The following SGCD variants were observed in gnomAD, a reference collection of about 807,000 sequenced individuals.
The protein encoded by SGCD is delta-sarcoglycan.
SGCD carries 18 observed loss-of-function variants against 36.6 expected under a neutral mutation model. The ratio of observed to expected loss-of-function variants is 0.49; its 90% CI spans 0.34 to 0.73. SGCD has a LOEUF of 0.73. SGCD is among the 30% of genes least tolerant of loss of function. SGCD has a pLI of 0.01. For missense variants in SGCD, 387 were observed against 346.7 expected (o/e 1.12, Z -0.92); for synonymous variants, 133 against 130.6 (o/e 1.02, Z -0.12).
At chr5:155,759,871 C>A in the SGCD span, among the ~76,000 whole-genome samples, 1 of 152,178 alleles carries the variant, frequency 6.6e-6, no homozygotes, top group African/African-American at 2.4e-5. Context: ...GGTTGAACAG[C>A]TTCTGAGCCA....
At chr5:156,467,264 T>C (rs1045214742) in intron 3 of SGCD, among the ~76,000 whole-genome samples, 2 of 152,234 alleles carry the variant, frequency 1.3e-5, no homozygotes, top group Non-Finnish European at 2.9e-5. Flanking sequence ...TTTTATTCAT[T>C]TAATTATCTA....
intron 1 of SGCD, among the ~76,000 whole-genome samples, chr5:155,934,744 A>G (rs560264346): frequency 2.6e-4 from 40 of 152,318 alleles, no homozygotes; most frequent in African/African-American, 8.7e-4. Context: ...CCTTTCTTCC[A>G]TTACAGAAGC....
intron 3 of SGCD, among the ~76,000 whole-genome samples, chr5:156,218,182 G>T (rs1028266338): frequency 6.6e-6 from 1 of 152,148 alleles, no homozygotes; most frequent in Non-Finnish European, 1.5e-5. Context: ...AACCTGGGAA[G>T]CGAAGGTTGC....
intron 1 of SGCD, among the ~76,000 whole-genome samples, chr5:155,884,592 C>A (rs1755964182): frequency 6.6e-6 from 1 of 152,184 alleles, no homozygotes; most frequent in South Asian, 2.1e-4. Flanking sequence ...ATTTCTTGAT[C>A]TTGTCTCATT....
At chr5:156,189,608 A>G (rs1028828724) in intron 3 of SGCD, among the ~76,000 whole-genome samples, 2 of 151,688 alleles carry the variant, frequency 1.3e-5, no homozygotes, top group South Asian at 2.1e-4. Context: ...ATCAGAACAC[A>G]TGGCAATTAG....
the SGCD span, among the ~76,000 whole-genome samples, chr5:155,782,425 CA>C: frequency 6.6e-6 from 1 of 151,210 alleles, no homozygotes; most frequent in Non-Finnish European, 1.5e-5. Flanking sequence ...CAAAACAAAA[CA>C]AAAAAAACAC....
At chr5:155,856,331 C>A in the SGCD span, among the ~76,000 whole-genome samples, 1 of 151,924 alleles carries the variant, frequency 6.6e-6, no homozygotes, top group East Asian at 1.9e-4. Context: ...AAAAGAATAA[C>A]AAAGAACAGA....
chr5:155,873,590 G>A (rs1297145057), intron 1 of SGCD, among the ~76,000 whole-genome samples: 1 of 152,138 alleles, frequency 6.6e-6, no homozygotes, highest in Non-Finnish European at 1.5e-5. Flanking sequence ...ACACTATTCA[G>A]GTGATGGCTG....
chr5:156,204,283 T>TAACTCCAAAGAAAATA (rs1357077273), intron 3 of SGCD, among the ~76,000 whole-genome samples: 6 of 152,058 alleles, frequency 3.9e-5, no homozygotes, highest in Non-Finnish European at 7.4e-5. Flanking sequence ...GTAAGAATAA[T>TAACTCCAAAGAAAATA]ACTCCAAAAT....
chr5:156,646,566 A>G lies in SGCD; in HGVS notation c.503-898A>G, dbSNP rs17053716. ...GCATTTCTAGATGTTATAACAATGT[A>G]AGAGGATTACAAAAATTCACACATG... On this transcript the variant is annotated intron_variant, in intron 6 of 8. Coordinates refer to ENST00000337851, the MANE Select transcript of SGCD (RefSeq NM_000337.6). Among the ~76,000 whole-genome samples, 4 of 152,254 alleles carry G rather than the reference A, an allele frequency of 2.6e-5. No individual in the cohort carries two copies. The South Asian group carries it at 8.3e-4, about 31-fold the overall frequency.
At chr5:155,852,881 GTGC>G in the SGCD span, among the ~76,000 whole-genome samples, 13 of 152,152 alleles carry the variant, frequency 8.5e-5, no homozygotes, top group African/African-American at 2.9e-4. Flanking sequence ...TAGAGAAAAA[GTGC>G]TAGCTCATGT....
At position 156,608,407 on chromosome 5, in the gene SGCD, G is replaced by A. The variant is rs534668349; in HGVS notation, c.502+13356G>A. 1.7e-3 allele frequency among the ~76,000 whole-genome samples: 254 copies of A among 152,336 alleles called. 1 individual carries two copies. Among genetic ancestry groups the A allele is most frequent in the African/African-American group, 5.8e-3 (242 of 41,572 alleles). On this transcript the variant is annotated intron_variant, in intron 6 of 8. Coordinates refer to ENST00000337851, the MANE Select transcript of SGCD (RefSeq NM_000337.6). ...AGTTTGATTGCACTGTGGTCTGAGA[G>A]ACAGTTTGTTATAATTTCTGTTCTT...
At chr5:156,578,722 C>T (rs1024132471) in intron 4 of SGCD, among the ~76,000 whole-genome samples, 1 of 152,206 alleles carries the variant, frequency 6.6e-6, no homozygotes, top group Non-Finnish European at 1.5e-5. Flanking sequence ...ATAGTATTCT[C>T]TGATGGTAGT....
intron 3 of SGCD, among the ~76,000 whole-genome samples, chr5:156,371,601 G>A (rs1047193422): frequency 6.6e-6 from 1 of 152,146 alleles, no homozygotes; most frequent in Non-Finnish European, 1.5e-5. Flanking sequence ...AGTAAGCCCG[G>A]AATCAAAATG....
chr5:156,323,488 G>C (rs753731429), upstream of SGCD, among the ~76,000 whole-genome samples: 1 of 152,092 alleles, frequency 6.6e-6, no homozygotes, highest in Non-Finnish European at 1.5e-5. Flanking sequence ...TAAGTCAAAA[G>C]ATGTTATTTA....
At chr5:156,623,895 G>C (rs980730092) in intron 6 of SGCD, among the ~76,000 whole-genome samples, 1 of 152,150 alleles carries the variant, frequency 6.6e-6, no homozygotes, top group East Asian at 1.9e-4. Context: ...TGTTTAATGA[G>C]GGTGTCCCAG....
chr5:155,938,093 G>A lies in SGCD; in HGVS notation c.-282+67669G>A, dbSNP rs185864086. ...AAACATGCACATACCTGCACATACA[G>A]ACACTCAAAAAGCTGTTGTTTGTTG... On this transcript the variant is annotated intron_variant, in intron 1 of 9. Coordinates refer to the SGCD transcript ENST00000517913. Among the ~76,000 whole-genome samples, 314 of 152,298 alleles carry A rather than the reference G, an allele frequency of 2.1e-3. 3 individuals are homozygous for A. Among genetic ancestry groups the A allele is most frequent in the African/African-American group, 7.2e-3 (300 of 41,574 alleles).
intron 3 of SGCD, among the ~76,000 whole-genome samples, chr5:156,283,784 G>A (rs1766521366): frequency 6.6e-6 from 1 of 152,124 alleles, no homozygotes; most frequent in Non-Finnish European, 1.5e-5. Context: ...CAATTCTCAA[G>A]AGAGGCTGAT....
chr5:156,122,318 T>A (rs1045987025), intron 2 of SGCD, among the ~76,000 whole-genome samples: 5 of 152,138 alleles, frequency 3.3e-5, no homozygotes, highest in African/African-American at 1.2e-4. Context: ...TGCATGGAGT[T>A]TACATTTTAT....
Sources: gnomAD v4.1 joint callset for allele counts (sites outside exome capture counted in the v4.1 genomes callset) on GRCh38, gnomAD v4.1.1 for gene constraint, MANE v1.5 for transcripts, NCBI Gene and HGNC (gene_info 2026-07-23, HGNC 2026-07-21) for gene names.